Variants in MCC observed in about 807,000 individuals in gnomAD.
MCC encodes the protein colorectal mutant cancer protein.
Under a neutral mutation model 116.2 loss-of-function variants are expected in MCC, and 90 were observed. That is an observed-to-expected ratio of 0.77 (90% CI 0.65 to 0.92). The LOEUF (loss-of-function observed/expected upper bound fraction) is 0.92, where lower values mean the gene tolerates loss of function less well. Ranked by LOEUF, MCC falls within the 40% of genes least tolerant of loss-of-function variation. The pLI, the probability that MCC is intolerant of heterozygous loss-of-function variation, is 0.00. For synonymous variants in MCC, 578 were observed against 510.5 expected (o/e 1.13, Z -1.78); for missense variants, 1,516 against 1,312.2 (o/e 1.16, Z -2.40).
intron 3 of MCC, among the ~76,000 whole-genome samples, chr5:113,259,261 G>C (rs937974845): frequency 6.6e-6 from 1 of 152,176 alleles, no homozygotes; most frequent in South Asian, 2.1e-4. Flanking sequence ...TCATTTGTGA[G>C]ATGCCCCATT....
intron 3 of MCC, among the ~76,000 whole-genome samples, chr5:113,274,645 G>A (rs1046165173): frequency 8.5e-5 from 13 of 152,268 alleles, no homozygotes; most frequent in Admixed American, 5.9e-4. Context: ...ACAGGTGTGA[G>A]CCACCACCCC....
chr5:113,137,226 T>C (rs1440372976), intron 5 of MCC, among the ~76,000 whole-genome samples: 1 of 152,122 alleles, frequency 6.6e-6, no homozygotes, highest in Non-Finnish European at 1.5e-5. Flanking sequence ...GTCAACCACA[T>C]AGAAAACCAT....
chr5:113,376,214 G>T (rs941261532), intron 2 of MCC, among the ~76,000 whole-genome samples: 3 of 152,152 alleles, frequency 2.0e-5, no homozygotes, highest in Non-Finnish European at 4.4e-5. Flanking sequence ...GAACAAACAG[G>T]TTCATGCTTT....
chr5:113,214,600 C>G (rs1271653001), intron 3 of MCC, among the ~76,000 whole-genome samples: 3 of 152,188 alleles, frequency 2.0e-5, no homozygotes, highest in Non-Finnish European at 1.5e-5. Flanking sequence ...CCAGCCTTAT[C>G]AGTATCAGTG....
In MCC at chr5:113,335,601, G is replaced by GA. The variant is rs934947184; in HGVS notation, c.627+4917dup. Among the ~76,000 whole-genome samples, 8 of 151,712 alleles carry GA rather than the reference G, an allele frequency of 5.3e-5. No homozygotes were observed. The South Asian group carries it at 8.3e-4, about 16-fold the overall frequency. On this transcript the variant is annotated intron_variant, in intron 3 of 18. Coordinates refer to ENST00000408903, the MANE Select transcript of MCC (RefSeq NM_001085377.2). ...TTTCCTGGTAATACAAATCTTTGTA[G>GA]AAAAAATCTATCAGAAAACAGGCAG... is the stretch of plus-strand genomic sequence containing the variant.
In MCC at chr5:113,327,561, AATATAT is replaced by A. The variant is rs869214073; in HGVS notation, c.627+12952_627+12957del. On this transcript the variant is annotated intron_variant, in intron 3 of 18. Coordinates refer to ENST00000408903, the MANE Select transcript of MCC (RefSeq NM_001085377.2). ...ACTCAGTCTCAAAAAAAAAAAAAAA[AATATAT>A]ATATATATATATATATATAAAAATC... Among the ~76,000 whole-genome samples the A allele has an allele frequency of 1.1e-3, 88 of 80,560 alleles. No homozygotes were observed. The East Asian group carries it at 0.015, about 14-fold the overall frequency. 52.9% of individuals were successfully genotyped at this position (80,560 alleles called of 152,430 possible).
rs191834630 is a variant in MCC, at chr5:113,220,128, G to A, written c.628-68706C>T. ...GCTGGAGTGCAGTGGCGCAATCTCG[G>A]CTCACTGCAAGCTCCACCTCCCGGG... is the stretch of plus-strand genomic sequence containing the variant. On this transcript the variant is annotated intron_variant, in intron 3 of 18. Transcript: ENST00000408903. Among the ~76,000 whole-genome samples the A allele has an allele frequency of 9.2e-3, 622 of 67,502 alleles. 202 individuals are homozygous for A. Among genetic ancestry groups the A allele is most frequent in the Admixed American group, 0.068 (582 of 8,546 alleles). 44.3% of individuals were successfully genotyped at this position (67,502 alleles called of 152,430 possible).
intron 1 of MCC, among the ~76,000 whole-genome samples, chr5:113,482,393 C>G (rs4279332): frequency 3.9e-5 from 6 of 152,184 alleles, no homozygotes; most frequent in African/African-American, 1.4e-4. Context: ...TAGAAGGGTT[C>G]TGATTTCTTT....
intron 9 of MCC, among the ~76,000 whole-genome samples, chr5:113,084,737 C>A (rs1302131710): frequency 1.3e-5 from 2 of 152,162 alleles, no homozygotes; most frequent in Admixed American, 6.5e-5. Flanking sequence ...CACAGCCTGT[C>A]CATCATAATC....
intron 1 of MCC, among the ~76,000 whole-genome samples, chr5:113,485,196 C>T (rs781329722): frequency 5.3e-5 from 8 of 152,130 alleles, no homozygotes; most frequent in Non-Finnish European, 1.0e-4. Flanking sequence ...TTTCCCCTCA[C>T]GGCCCAGTTT....
At chr5:113,435,242 T>C (rs951756520) in intron 1 of MCC, 4 of 186,210 alleles carry the variant, frequency 2.1e-5, no homozygotes, top group Admixed American at 1.1e-4. Context: ...TTGTGCAGAA[T>C]TGAGGCCAAT....
At chr5:113,315,967 G>C (rs1193549501) in intron 3 of MCC, among the ~76,000 whole-genome samples, 1 of 151,774 alleles carries the variant, frequency 6.6e-6, no homozygotes, top group Non-Finnish European at 1.5e-5. Flanking sequence ...ACCTTCAAGA[G>C]ATACACGTTG....
rs747955728 is a variant in MCC at position 113,434,692 on chromosome 5, C to T, written c.171-49480G>A. ...GGAAGGAATTTCTCCAAGAAGTCTG[C>T]GGGGGCCTTCTTGCGGTCGATGATC... On this transcript the variant is annotated intron_variant, in intron 1 of 18. Transcript: ENST00000408903. The surrounding 1 kb of genome is among the most constrained non-coding windows in gnomAD (Gnocchi z 4.2). 2.2e-5 allele frequency: 35 copies of T among 1,613,884 alleles called. No individual in the cohort carries two copies. The highest frequency in any genetic ancestry group is 1.6e-4 in the East Asian group (7 of 44,896).
intron 1 of MCC, among the ~76,000 whole-genome samples, chr5:113,459,133 A>ATGTGTATG (rs762493058): frequency 3.8e-4 from 26 of 68,362 alleles, no homozygotes; most frequent in African/African-American, 1.5e-3. Flanking sequence ...GAGTAAGGAT[A>ATGTGTATG]TGTGTGTGTG....
chr5:113,051,633 G>C (rs927923587), intron 15 of MCC, among the ~76,000 whole-genome samples: 4 of 152,166 alleles, frequency 2.6e-5, no homozygotes, highest in African/African-American at 9.7e-5. Context: ...GCTGAGGCAG[G>C]AGGATCACTT....
At chr5:113,325,421 C>T (rs571090884) in intron 3 of MCC, among the ~76,000 whole-genome samples, 110 of 149,522 alleles carry the variant, frequency 7.4e-4, no homozygotes, top group Admixed American at 2.1e-3. Context: ...TCGGGCTTCT[C>T]GCAGCACTTT....
At chr5:113,141,487 C>G (rs569689922) in intron 5 of MCC, among the ~76,000 whole-genome samples, 1 of 152,162 alleles carries the variant, frequency 6.6e-6, no homozygotes, top group Non-Finnish European at 1.5e-5. Context: ...TCTGGAGAAC[C>G]CTGAATAATT....
At chr5:113,197,918 GA>G (rs1762492610) in intron 3 of MCC, among the ~76,000 whole-genome samples, 1 of 152,216 alleles carries the variant, frequency 6.6e-6, no homozygotes, top group East Asian at 1.9e-4. Context: ...GCACAGAGGT[GA>G]CACTCGTGTC....
intron 3 of MCC, chr5:113,294,451 G>A (rs1766641727): frequency 6.2e-7 from 1 of 1,610,202 alleles, no homozygotes; most frequent in East Asian, 2.2e-5. Flanking sequence ...GGACTTCACA[G>A]GCTCAATATC....
Sources: gnomAD v4.1 joint callset for allele counts (sites outside exome capture counted in the v4.1 genomes callset) on GRCh38, gnomAD v4.1.1 for gene constraint, Gnocchi (gnomAD v3.1) non-coding constraint, MANE v1.5 for transcripts, NCBI Gene and HGNC (gene_info 2026-07-23, HGNC 2026-07-21) for gene names.